The following NPM1 variants were observed in gnomAD, a reference collection of about 807,000 sequenced individuals.
NPM1 encodes nucleophosmin 1, also known as nucleophosmin.
A neutral mutation model predicts 44.1 loss-of-function variants in NPM1; 1 was observed. That is an observed-to-expected ratio of 0.02 (90% CI 0.01 to 0.11). NPM1 has a LOEUF of 0.11. Ranked by LOEUF, NPM1 falls within the 10% of genes least tolerant of loss-of-function variation. The pLI is 1.00. For missense variants in NPM1, 197 were observed against 347.8 expected, an observed-to-expected ratio of 0.57 and a Z score of 3.45; for synonymous variants, 126 against 111.8, an observed-to-expected ratio of 1.13 and a Z score of -0.80.
At chr5:171,390,178 C>G in intron 2 of NPM1, 48 bp downstream of exon 2, 1 of 1,090,286 alleles carries the variant, frequency 9.2e-7, no homozygotes, top group Non-Finnish European at 1.3e-6. Flanking sequence ...TGATTTCAGC[C>G]TTTTAGTTTC....
chr5:171,397,011 T>G (rs1225488812), intron 6 of NPM1, among the ~76,000 whole-genome samples: 1 of 152,180 alleles, frequency 6.6e-6, no homozygotes, highest in African/African-American at 2.4e-5. Context: ...TATGCATAGT[T>G]GTGTAGCCAT....
At chr5:171,402,968 A>ATTTTTT (rs1771299295) in intron 8 of NPM1, among the ~76,000 whole-genome samples, 4 of 47,214 alleles carry the variant, frequency 8.5e-5, no homozygotes, top group Non-Finnish European at 1.3e-4. Flanking sequence ...TTTTTTTTTC[A>ATTTTTT]TTTTATTTAT....
chr5:171,404,094 C>T (rs1771422184), intron 8 of NPM1, among the ~76,000 whole-genome samples: 1 of 73,536 alleles, frequency 1.4e-5, no homozygotes, highest in African/African-American at 6.1e-5. Context: ...GCTGACCCCC[C>T]CACCTCCCTC....
At chr5:171,404,601 C>A (rs1261854107) in intron 8 of NPM1, among the ~76,000 whole-genome samples, 2 of 111,026 alleles carry the variant, frequency 1.8e-5, no homozygotes, top group Non-Finnish European at 3.7e-5. Flanking sequence ...AGGCGCTCCT[C>A]ACTTCCTAGA....
At chr5:171,406,834 G>A (rs1771599673) in intron 9 of NPM1, 1 of 430,014 alleles carries the variant, frequency 2.3e-6, no homozygotes, top group Non-Finnish European at 3.2e-6. Context: ...TTCTGCCAAA[G>A]TCCCTTGGAC....
intron 3 of NPM1, 114 bp from the exon 4 acceptor site, chr5:171,391,592 T>C: frequency 8.9e-7 from 1 of 1,119,492 alleles, no homozygotes; most frequent in Non-Finnish European, 1.3e-6. Flanking sequence ...GCTACTTTTA[T>C]CAGAGGTGGA....
At chr5:171,394,714 G>A (rs531885096) in intron 6 of NPM1, among the ~76,000 whole-genome samples, 72 of 152,296 alleles carry the variant, frequency 4.7e-4, no homozygotes, top group African/African-American at 1.6e-3. Flanking sequence ...GGTATGGTTC[G>A]GATTGGTTTA....
intron 9 of NPM1, 129 bp from the exon 10 acceptor site, chr5:171,407,571 T>C (rs753634142): frequency 5.6e-5 from 38 of 673,892 alleles, no homozygotes; most frequent in Admixed American, 1.7e-4. Context: ...CGGAGTATTC[T>C]TGGAAAGTTG....
At chr5:171,404,518 T>G (rs1771457761) in intron 8 of NPM1, among the ~76,000 whole-genome samples, 1 of 66,232 alleles carries the variant, frequency 1.5e-5, no homozygotes, top group East Asian at 4.7e-4. Context: ...GCAGAGGCGC[T>G]CCCCACATCT....
chr5:171,407,038 G>GT (rs1771608601), intron 9 of NPM1: 1 of 152,738 alleles, frequency 6.5e-6, no homozygotes, highest in South Asian at 2.1e-4. Flanking sequence ...TGCCAATACT[G>GT]TTGTAGTTTC....
intron 8 of NPM1, among the ~76,000 whole-genome samples, chr5:171,401,713 G>A (rs1174034000): frequency 2.0e-5 from 3 of 152,202 alleles, no homozygotes; most frequent in South Asian, 2.1e-4. Flanking sequence ...AAGTGTGTGA[G>A]CCACCACGCC....
intron 2 of NPM1, among the ~76,000 whole-genome samples, chr5:171,390,824 A>G (rs1770536052): frequency 6.6e-6 from 1 of 152,062 alleles, no homozygotes. Context: ...TCCGAGTTCA[A>G]GTAATTCCCT....
At chr5:171,391,133 G>C (rs1561864186) in intron 2 of NPM1, 172 bp from the exon 3 acceptor site, 1 of 704,614 alleles carries the variant, frequency 1.4e-6, no homozygotes, top group Non-Finnish European at 2.3e-6. Context: ...ATACCATCTA[G>C]GTTTGTATAA....
intron 8 of NPM1, among the ~76,000 whole-genome samples, chr5:171,402,098 T>C (rs1012824182): frequency 1.3e-5 from 2 of 149,788 alleles, no homozygotes; most frequent in Non-Finnish European, 1.5e-5. Flanking sequence ...ATTTACAATT[T>C]AAACGAATAA....
chr5:171,410,798 G>A lies in NPM1; in HGVS notation c.*233G>A, dbSNP rs1030150159. On this transcript the variant is annotated 3_prime_UTR_variant, in exon 11 of 11. Transcript: ENST00000296930. ...AAGTATGTATGGAATGTTATGATAG[G>A]ACATAGTAGTAGCGGTGGTCAGACA... 7.3e-6 allele frequency: 3 copies of A among 412,584 alleles called. No individual in the cohort carries two copies. The highest frequency in any genetic ancestry group is 6.1e-5 in the African/African-American group (3 of 48,878). The allele number at this position is 412,584 out of a possible 1,614,324, so 25.6% of individuals were successfully genotyped here.
intron 9 of NPM1, chr5:171,406,572 C>A (rs1771580401): frequency 4.2e-6 from 6 of 1,443,626 alleles, no homozygotes; most frequent in Non-Finnish European, 5.5e-6. Context: ...AGGCTGGAAA[C>A]AATCTCTTGG....
At chr5:171,401,427 C>T (rs1446160050) in intron 8 of NPM1, among the ~76,000 whole-genome samples, 7 of 151,660 alleles carry the variant, frequency 4.6e-5, no homozygotes, top group East Asian at 1.9e-4. Flanking sequence ...GGTGGTGGGG[C>T]GGGGGGAGCC....
rs141093706 is a variant in NPM1 at position 171,400,650 on chromosome 5, G to A, written c.583-189G>A. Reference sequence around the variant, plus strand: ...TTTTGCATTTTTAGTAGACCACCATGTCGGCCAGGCTGGTCTCGAACTCCT... The same window carrying A: ...TTTTGCATTTTTAGTAGACCACCATATCGGCCAGGCTGGTCTCGAACTCCT... On this transcript the variant is annotated intron_variant, in intron 7 of 10. Transcript: ENST00000296930. 1,202 of 496,774 alleles carry A rather than the reference G, an allele frequency of 2.4e-3. 13 individuals carry two copies. Among genetic ancestry groups the A allele is most frequent in the African/African-American group, 0.022 (1,105 of 50,500 alleles). 30.8% of individuals were successfully genotyped at this position (496,774 alleles called of 1,614,324 possible). A position where few individuals can be genotyped will look rare whatever the true frequency, so the allele number is the denominator to read the frequency against.
At chr5:171,389,858 TTA>T (rs1770481584) in intron 1 of NPM1, among the ~76,000 whole-genome samples, 191 bp from the exon 2 acceptor site, 1 of 152,188 alleles carries the variant, frequency 6.6e-6, no homozygotes, top group African/African-American at 2.4e-5. Flanking sequence ...GAGAATGGAA[TTA>T]TAGTCTTTTA....
Sources: allele counts gnomAD v4.1 joint callset (sites outside exome capture counted in the v4.1 genomes callset), GRCh38; gene constraint gnomAD v4.1.1; transcripts MANE v1.5; gene names NCBI Gene and HGNC (gene_info 2026-07-23, HGNC 2026-07-21).